Variants in UMODL1 observed in about 807,000 individuals in gnomAD.
UMODL1 encodes the protein uromodulin like 1, also known as uromodulin-like 1.
In UMODL1, 128 loss-of-function variants were observed where a neutral mutation model predicts 136.3. The ratio of observed to expected loss-of-function variants is 0.94; its 90% CI spans 0.81 to 1.09. The LOEUF (loss-of-function observed/expected upper bound fraction) is 1.09. UMODL1 is among the 50% of genes least tolerant of loss of function. UMODL1 has a pLI of 0.00. For missense variants in UMODL1, 1,766 were observed against 1,725.6 expected, an observed-to-expected ratio of 1.02 and a Z score of -0.41; for synonymous variants, 721 against 720.0, an observed-to-expected ratio of 1.00 and a Z score of -0.02.
Position 42,111,726 on chromosome 21 carries a change from G to T in UMODL1, c.2104+16G>T. On this transcript the variant is annotated intron_variant, in intron 12 of 22. Coordinates refer to ENST00000408910, the MANE Select transcript of UMODL1 (RefSeq NM_001004416.3). The stretch of plus-strand genomic sequence containing the variant: ...CCCGCCTGTGGTGAGTTCCTCGAAT[G>T]GTGCATGGGGACTAGGACTAATAGG... The T allele has an allele frequency of 6.3e-7, 1 of 1,597,608 alleles. No individual in the cohort carries two copies. The highest frequency in any genetic ancestry group is 1.1e-5 in the South Asian group (1 of 88,764).
chr21:42,132,241 C>T (rs1407716999), intron 21 of UMODL1, among the ~76,000 whole-genome samples: 3 of 151,790 alleles, frequency 2.0e-5, no homozygotes, highest in African/African-American at 7.3e-5. Context: ...TCCATCTATC[C>T]ATTGGTCATC....
chr21:42,121,409 C>A lies in UMODL1; in HGVS notation c.2827+185C>A, dbSNP rs551010023. Among the ~76,000 whole-genome samples the A allele has an allele frequency of 2.6e-5, 4 of 151,666 alleles. No homozygotes were observed. In the East Asian group the frequency reaches 7.7e-4, roughly 29 times the overall value. On this transcript the variant is annotated intron_variant, in intron 16 of 22. Transcript: ENST00000408910. Reference sequence around the variant, plus strand: ...TGTGATGTATGTGTACATGTGTGTACGTGTGTGCATGTTCCTTCCCATTCT... The same window carrying A: ...TGTGATGTATGTGTACATGTGTGTAAGTGTGTGCATGTTCCTTCCCATTCT...
chr21:42,075,793 T>C (rs2066283173), intron 1 of UMODL1, among the ~76,000 whole-genome samples: 1 of 152,246 alleles, frequency 6.6e-6, no homozygotes. Flanking sequence ...ACGTTTATGC[T>C]TTATTCTTCT....
chr21:42,072,378 A>G (rs2066241582), intron 1 of UMODL1, among the ~76,000 whole-genome samples: 1 of 152,214 alleles, frequency 6.6e-6, no homozygotes, highest in African/African-American at 2.4e-5. Context: ...TTTTTGTACT[A>G]CTTTAACGTT....
rs149056005 is a variant in UMODL1 at position 42,123,997 on chromosome 21, C to T, written c.3147+847C>T. ...CTCTGTGTGCACAGATGGGCTCTGG[C>T]ACCTCCCCTTGCAGGTGACTCTGGG... On this transcript the variant is annotated intron_variant, in intron 17 of 22. Transcript: ENST00000408910. The surrounding 1 kb of genome is among the most constrained non-coding windows in gnomAD (Gnocchi z 4.4). Among the ~76,000 whole-genome samples, 344 of 152,284 alleles carry T rather than the reference C, an allele frequency of 2.3e-3. 1 individual carries two copies. Among genetic ancestry groups the T allele is most frequent in the Middle Eastern group, 3.4e-3 (1 of 294 alleles).
At chr21:42,092,550 CAT>C (rs1013551908) in intron 6 of UMODL1, among the ~76,000 whole-genome samples, 1 of 152,168 alleles carries the variant, frequency 6.6e-6, no homozygotes, top group African/African-American at 2.4e-5. Context: ...CTAAAGCAAT[CAT>C]ATAATATTCT....
intron 15 of UMODL1, 73 bp from the exon 16 acceptor site, chr21:42,121,014 C>T (rs953994006): frequency 1.6e-5 from 24 of 1,546,928 alleles, no homozygotes; most frequent in African/African-American, 1.5e-4. Context: ...ATGCACTCTC[C>T]CCCAACCAGG....
chr21:42,086,684 G>T (rs2066430460), intron 4 of UMODL1: 1 of 450,950 alleles, frequency 2.2e-6, no homozygotes, highest in South Asian at 1.6e-5. Flanking sequence ...ATAAATAATC[G>T]GCCAGGAGTG....
intron 1 of UMODL1, among the ~76,000 whole-genome samples, chr21:42,075,100 A>G (rs538242814): frequency 9.2e-5 from 14 of 151,968 alleles, no homozygotes; most frequent in East Asian, 5.8e-4. Context: ...GGCTTTCACC[A>G]TGTTAGCCAG....
At chr21:42,125,872 C>T (rs1234852417) in intron 17 of UMODL1, among the ~76,000 whole-genome samples, 1 of 152,216 alleles carries the variant, frequency 6.6e-6, no homozygotes, top group African/African-American at 2.4e-5. Flanking sequence ...GAGACAGCGC[C>T]TCCCAGGACT....
chr21:42,076,339 C>T, intron 2 of UMODL1, 92 bp downstream of exon 2: 2 of 1,559,480 alleles, frequency 1.3e-6, no homozygotes, highest in Non-Finnish European at 1.7e-6. Context: ...TGGCCCCGAA[C>T]TTGCTAGATC....
chr21:42,093,994 C>T (rs778170892), intron 6 of UMODL1: 1 of 455,556 alleles, frequency 2.2e-6, no homozygotes. Context: ...GAATCCTGTC[C>T]CTTTCGTGAG....
rs2067160694 is a variant in UMODL1 at position 42,133,524 on chromosome 21, A to G, written c.3775+3727A>G. Among the ~76,000 whole-genome samples, 3 of 152,190 alleles carry G rather than the reference A, an allele frequency of 2.0e-5. No homozygotes were observed. In the South Asian group the frequency reaches 6.2e-4, roughly 32 times the overall value. On this transcript the variant is annotated intron_variant, in intron 21 of 22. Coordinates refer to ENST00000408910, the MANE Select transcript of UMODL1 (RefSeq NM_001004416.3). Reference sequence around the variant, plus strand: ...ACTCACGATGTCTTGGCACCACCACAACAAAGTCCCACAGCCTGGGTGGCT... The same window carrying G: ...ACTCACGATGTCTTGGCACCACCACGACAAAGTCCCACAGCCTGGGTGGCT...
rs2067079981 is a variant in UMODL1 at position 42,127,730 on chromosome 21, C to T, written c.3589C>T (p.Gln1197Ter). 1 of 1,614,086 alleles carries T rather than the reference C, an allele frequency of 6.2e-7. No individual in the cohort carries two copies. The highest frequency in any genetic ancestry group is 8.5e-7 in the Non-Finnish European group (1 of 1,180,050). ...TGAGAACGGCAACTCCAATAAGGCCCAGTTCAAGCTGAGGATCTTTTCCTT... is the reference window on the plus strand; with the variant it reads ...TGAGAACGGCAACTCCAATAAGGCCTAGTTCAAGCTGAGGATCTTTTCCTT... ...VIENGNSNKA[Q>*]FKLRIFSFIN... The change falls in exon 20 of 23, where the codon CAG (glutamine) becomes TAG (stop). Residue 1197 changes from glutamine (Q) to a stop codon, truncating the protein, a stop_gained. Transcript: ENST00000408910. LOFTEE classifies it high-confidence loss of function.
chr21:42,111,756 A>T (rs753304395), intron 12 of UMODL1, 46 bp downstream of exon 12: 18 of 1,528,220 alleles, frequency 1.2e-5, no homozygotes, highest in Non-Finnish European at 1.6e-5. Context: ...AATAGGACCC[A>T]TAGCCTGTGT....
chr21:42,128,927 T>C (rs73373642), intron 20 of UMODL1, among the ~76,000 whole-genome samples: 75 of 152,358 alleles, frequency 4.9e-4, no homozygotes, highest in African/African-American at 1.7e-3. Context: ...GTCTCTGTTC[T>C]GGAGGCAGGA....
In UMODL1 at chr21:42,110,902, C is replaced by T. The variant is rs553173917; in HGVS notation, c.1680C>T (p.Gly560=). ...ACEGDLVSPM[G]GGLSAATGVT... is the part of the protein sequence containing the mutation. ...CAGGTGACCTGGTGAGCCCCATGGGCGGTGGACTGTCTGCGGCAACAGGGG... is the reference window on the plus strand; with the variant it reads ...CAGGTGACCTGGTGAGCCCCATGGGTGGTGGACTGTCTGCGGCAACAGGGG... The change falls in exon 11 of 23, where the codon GGC becomes GGT. Residue 560 remains glycine, a synonymous_variant. Coordinates refer to ENST00000408910, the MANE Select transcript of UMODL1 (RefSeq NM_001004416.3). 2.2e-5 allele frequency: 36 copies of T among 1,610,248 alleles called. No homozygotes were observed. In the African/African-American group the frequency reaches 2.9e-4, roughly 13 times the overall value.
rs1169601601 is a variant in UMODL1 at position 42,088,343 on chromosome 21, C to G, written c.653C>G (p.Ser218Ter). 2 of 1,613,826 alleles carry G rather than the reference C, an allele frequency of 1.2e-6. No homozygotes were observed. The highest frequency in any genetic ancestry group is 1.7e-5 in the Admixed American group (1 of 60,006). Reference sequence around the variant, plus strand: ...GCCTCCACCGTCCACCACCTGCACTCAGCCCCTGGGAACGCCTCCACCACA... The same window carrying G: ...GCCTCCACCGTCCACCACCTGCACTGAGCCCCTGGGAACGCCTCCACCACA... ...PMASTVHHLH[S>*]APGNASTTVS... The change falls in exon 5 of 23, where the codon TCA becomes TGA. Residue 218 changes from serine (S) to a stop codon, truncating the protein, a stop_gained. Coordinates refer to ENST00000408910, the MANE Select transcript of UMODL1 (RefSeq NM_001004416.3). LOFTEE classifies it high-confidence loss of function.
At chr21:42,068,110 C>T (rs1205520261), upstream of UMODL1, among the ~76,000 whole-genome samples, 1 of 152,148 alleles carries the variant, frequency 6.6e-6, no homozygotes, top group Non-Finnish European at 1.5e-5. This position sits in a 1 kb window ranked among gnomAD's most constrained non-coding sequence, Gnocchi z 5.5. Context: ...GACCAGGCTT[C>T]TCGGATGTGG....
Sources: gnomAD v4.1 joint callset for allele counts (sites outside exome capture counted in the v4.1 genomes callset) on GRCh38, gnomAD v4.1.1 for gene constraint, Gnocchi (gnomAD v3.1) non-coding constraint, MANE v1.5 for transcripts, NCBI Gene and HGNC (gene_info 2026-07-23, HGNC 2026-07-21) for gene names.